The following HECW1 variants were observed in gnomAD, a reference collection of about 807,000 sequenced individuals.
HECW1 encodes the protein HECT, C2 and WW domain containing E3 ubiquitin protein ligase 1, also known as E3 ubiquitin-protein ligase HECW1.
HECW1 carries 61 observed loss-of-function variants against 182.3 expected under a neutral mutation model. The observed-to-expected ratio is 0.33, with a 90% confidence interval of 0.27 to 0.41. The LOEUF (loss-of-function observed/expected upper bound fraction) is 0.41. Among genes scored for constraint, HECW1 ranks in the 10% least tolerant of loss-of-function variants. The pLI is 1.00. For missense variants in HECW1, 1,739 were observed against 2,108.9 expected (o/e 0.82, Z 3.44); for synonymous variants, 859 against 832.6 (o/e 1.03, Z -0.55).
rs2152967936 is a variant in HECW1, at chr7:43,564,038, TATATG to T, written c.*2117_*2121del. Reference sequence around the variant, plus strand: ...CTGAGACAGGATGGAATCTGTAAGTTATATGATATAGAATTTGAGGGATATGTAAA... The same window carrying T: ...CTGAGACAGGATGGAATCTGTAAGTTATATAGAATTTGAGGGATATGTAAA... On this transcript the variant is annotated 3_prime_UTR_variant, in exon 30 of 30. Coordinates refer to ENST00000395891, the MANE Select transcript of HECW1 (RefSeq NM_015052.5). 5.4e-6 allele frequency: 1 copy of T among 186,776 alleles called. No individual in the cohort carries two copies. Among genetic ancestry groups the T allele is most frequent in the East Asian group, 8.6e-5 (1 of 11,646 alleles). The allele number at this position is 186,776 out of a possible 1,614,324, so 11.6% of individuals were successfully genotyped here.
intron 3 of HECW1, among the ~76,000 whole-genome samples, chr7:43,301,963 G>C (rs934794331): frequency 1.2e-4 from 19 of 152,066 alleles, no homozygotes; most frequent in Admixed American, 1.1e-3. Context: ...AAACCACCCA[G>C]GGGATATAAG....
intron 26 of HECW1, 59 bp downstream of exon 26, chr7:43,542,057 T>A: frequency 7.4e-7 from 1 of 1,354,648 alleles, no homozygotes; most frequent in African/African-American, 1.5e-5. Flanking sequence ...AAAATGCACA[T>A]AACATAAAGT....
At chr7:43,540,609 TAAAG>T (rs1346483278) in intron 24 of HECW1, among the ~76,000 whole-genome samples, 1 of 152,200 alleles carries the variant, frequency 6.6e-6, no homozygotes, top group Non-Finnish European at 1.5e-5. Context: ...CTGGCAATTT[TAAAG>T]AGTGATGTTC....
intron 3 of HECW1, among the ~76,000 whole-genome samples, chr7:43,260,523 A>G (rs1477189126): frequency 1.3e-5 from 2 of 152,244 alleles, no homozygotes; most frequent in African/African-American, 4.8e-5. Flanking sequence ...TGTGCAGATC[A>G]CTTCTGCTGT....
chr7:43,223,238 A>G (rs1179701229), intron 2 of HECW1, among the ~76,000 whole-genome samples: 1 of 152,034 alleles, frequency 6.6e-6, no homozygotes, highest in Non-Finnish European at 1.5e-5. Flanking sequence ...GACCACCACT[A>G]TTTCTCACCA....
chr7:43,366,831 T>C (rs1324548404), intron 6 of HECW1, among the ~76,000 whole-genome samples: 1 of 152,168 alleles, frequency 6.6e-6, no homozygotes, highest in Non-Finnish European at 1.5e-5. Context: ...AAGGAGAGTT[T>C]GTTCTCTGTT....
chr7:43,521,193 G>A (rs980806430), intron 24 of HECW1, among the ~76,000 whole-genome samples: 1 of 152,156 alleles, frequency 6.6e-6, no homozygotes, highest in Non-Finnish European at 1.5e-5. Context: ...TTAAGAGGTG[G>A]GGCCTTTAAG....
chr7:43,176,685 G>C lies in HECW1; in HGVS notation c.-32+62294G>C, dbSNP rs533277634. Among the ~76,000 whole-genome samples the C allele has an allele frequency of 6.6e-4, 100 of 152,338 alleles. 1 individual carries two copies. The highest frequency in any genetic ancestry group is 2.3e-3 in the African/African-American group (97 of 41,590). ...CTAAATCATAAATAGGTTAACCCAT[G>C]CATGAGGGCAGAGTCCTCTTGACCC... On this transcript the variant is annotated intron_variant, in intron 2 of 29. Coordinates refer to ENST00000395891, the MANE Select transcript of HECW1 (RefSeq NM_015052.5).
chr7:43,168,046 G>A (rs752269550), intron 2 of HECW1, among the ~76,000 whole-genome samples: 36 of 152,242 alleles, frequency 2.4e-4, no homozygotes, highest in Admixed American at 4.6e-4. Flanking sequence ...CCCATAGCCC[G>A]TGGTGTACGC....
intron 11 of HECW1, among the ~76,000 whole-genome samples, chr7:43,447,424 TTG>T (rs2077092668): frequency 6.6e-6 from 1 of 152,202 alleles, no homozygotes; most frequent in African/African-American, 2.4e-5. Context: ...CATCTCTGAA[TTG>T]GCACTGGCAG....
intron 2 of HECW1, among the ~76,000 whole-genome samples, chr7:43,217,154 A>G (rs1196914412): frequency 1.3e-5 from 2 of 150,558 alleles, no homozygotes; most frequent in Admixed American, 6.6e-5. Context: ...TACCGAGTAC[A>G]TGAAAAAAGC....
At chr7:43,487,677 G>C (rs989679805) in intron 17 of HECW1, among the ~76,000 whole-genome samples, 1 of 152,196 alleles carries the variant, frequency 6.6e-6, no homozygotes, top group Non-Finnish European at 1.5e-5. Context: ...AACAAAGCAG[G>C]CCGCGGATGG....
At chr7:43,505,812 C>A (rs1199838238) in intron 21 of HECW1, among the ~76,000 whole-genome samples, 1 of 152,200 alleles carries the variant, frequency 6.6e-6, no homozygotes, top group Non-Finnish European at 1.5e-5. Context: ...TCTGTGATCT[C>A]AAAGAACTGG....
intron 24 of HECW1, among the ~76,000 whole-genome samples, chr7:43,526,918 C>T (rs1488602390): frequency 6.6e-6 from 1 of 152,126 alleles, no homozygotes; most frequent in East Asian, 1.9e-4. Flanking sequence ...ATCACTTAAC[C>T]CAGGAGGTCA....
rs201225073 is a variant in HECW1, at chr7:43,445,335, C to T, written c.2163C>T (p.Ser721=). The T allele has an allele frequency of 8.7e-6, 14 of 1,613,842 alleles. No individual in the cohort carries two copies. Among genetic ancestry groups the T allele is most frequent in the Non-Finnish European group, 1.2e-5 (14 of 1,180,036 alleles). The change falls in exon 11 of 30, where the codon TCC becomes TCT. Residue 721 remains serine (S), a synonymous_variant. Coordinates refer to ENST00000395891, the MANE Select transcript of HECW1 (RefSeq NM_015052.5). ...NRFASHTRFS[S]VDSAKISEST... is the part of the protein sequence containing the mutation. The stretch of plus-strand genomic sequence containing the variant: ...TCGCCAGCCACACGCGCTTCTCCTC[C>T]GTGGACAGCGCCAAGATCTCCGAGA...
chr7:43,284,502 C>CAAAAAAAAAAAA (rs1165081149), intron 3 of HECW1, among the ~76,000 whole-genome samples: 3 of 53,778 alleles, frequency 5.6e-5, no homozygotes, highest in African/African-American at 5.0e-5. Flanking sequence ...CCCATTTCTA[C>CAAAAAAAAAAAA]AAAAAAAAAA....
chr7:43,317,237 G>A (rs1809436671), intron 4 of HECW1, among the ~76,000 whole-genome samples: 2 of 152,186 alleles, frequency 1.3e-5, no homozygotes, highest in South Asian at 4.1e-4. Flanking sequence ...CAGGCAGTGG[G>A]GGTGGGGGCA....
intron 6 of HECW1, among the ~76,000 whole-genome samples, chr7:43,391,086 C>T (rs2075011520): frequency 6.6e-6 from 1 of 152,160 alleles, no homozygotes; most frequent in Non-Finnish European, 1.5e-5. Context: ...GGTAATCATC[C>T]TAGCACCTAG....
intron 17 of HECW1, among the ~76,000 whole-genome samples, chr7:43,488,484 G>GAA (rs1406096925): frequency 3.4e-5 from 5 of 147,182 alleles, no homozygotes; most frequent in Non-Finnish European, 7.4e-5. Context: ...AAGAAAGAAA[G>GAA]AAAGAGAAAG....
Sources: allele counts gnomAD v4.1 joint callset (sites outside exome capture counted in the v4.1 genomes callset), GRCh38; gene constraint gnomAD v4.1.1; transcripts MANE v1.5; gene names NCBI Gene and HGNC (gene_info 2026-07-23, HGNC 2026-07-21).